The following NCAN variants were observed in gnomAD, a reference collection of about 807,000 sequenced individuals.
NCAN encodes the protein neurocan, also known as neurocan core protein.
NCAN carries 47 observed loss-of-function variants against 121.8 expected under a neutral mutation model. That is an observed-to-expected ratio of 0.39 (90% CI 0.31 to 0.49). The LOEUF (loss-of-function observed/expected upper bound fraction) is 0.49. Among genes scored for constraint, NCAN ranks in the 20% least tolerant of loss-of-function variants. NCAN has a pLI of 0.92. For synonymous variants in NCAN, 633 were observed against 702.0 expected, an observed-to-expected ratio of 0.90 and a Z score of 1.55; for missense variants, 1,517 against 1,773.4, an observed-to-expected ratio of 0.86 and a Z score of 2.60.
At chr19:19,234,931 C>G (rs1463766587) in intron 9 of NCAN, 52 bp from the exon 10 acceptor site, 1 of 1,252,996 alleles carries the variant, frequency 8.0e-7, no homozygotes, top group African/African-American at 1.5e-5. Flanking sequence ...TGTGGGGGCT[C>G]AGAGCCAAGG....
At position 19,227,697 on chromosome 19, in the gene NCAN, G is replaced by A. The variant is rs145993816; in HGVS notation, c.2077G>A (p.Ala693Thr). Reference sequence around the variant, plus strand: ...GACCCCAACAGGACAGGGTGGAGAGGCCATGCCCACAACACCTGAGTCCCC... The same window carrying A: ...GACCCCAACAGGACAGGGTGGAGAGACCATGCCCACAACACCTGAGTCCCC... Reference protein sequence around the residue: ...SLTPTGQGGEAMPTTPESPRA... With the variant: ...SLTPTGQGGETMPTTPESPRA... Residue 693 changes from alanine (A) to threonine (T), a missense_variant, in exon 8 of 15, where the codon GCC becomes ACC. Ala to Thr is a moderately conservative substitution (Grantham distance 58). Transcript: ENST00000252575. The surrounding 1 kb of genome is among the most constrained non-coding windows in gnomAD (Gnocchi z 4.2). 219 of 1,613,856 alleles carry A rather than the reference G, an allele frequency of 1.4e-4. No homozygotes were observed. The highest frequency in any genetic ancestry group is 1.3e-4 in the Non-Finnish European group (148 of 1,180,044).
Position 19,218,910 on chromosome 19 carries a change from C to T in NCAN, c.74-5C>T, listed in dbSNP as rs1253054069. 6.7e-7 allele frequency: 1 copy of T among 1,484,788 alleles called. No individual in the cohort carries two copies. Among genetic ancestry groups the T allele is most frequent in the East Asian group, 2.4e-5 (1 of 41,634 alleles). 92.0% of individuals were successfully genotyped at this position (1,484,788 alleles called of 1,614,324 possible). On this transcript the variant is annotated splice_polypyrimidine_tract_variant and splice_region_variant and intron_variant, in intron 2 of 14. Transcript: ENST00000252575. ...CAGGCCCTCTCTCCACCTTCTCCAA[C>T]CCAGGCACACAGGATATCACCGATG...
rs911913973 is a variant in NCAN at position 19,212,666 on chromosome 19, G to A, written c.-8+602G>A. Among the ~76,000 whole-genome samples the A allele has an allele frequency of 2.6e-5, 4 of 152,224 alleles. No homozygotes were observed. Among genetic ancestry groups the A allele is most frequent in the South Asian group, 4.1e-4 (2 of 4,834 alleles). On this transcript the variant is annotated intron_variant, in intron 1 of 14. Coordinates refer to ENST00000252575, the MANE Select transcript of NCAN (RefSeq NM_004386.3). This position sits in a 1 kb window ranked among gnomAD's most constrained non-coding sequence, Gnocchi z 4.5. The stretch of plus-strand genomic sequence containing the variant: ...GTCCGGTCACCACGTTCTGACTCAG[G>A]GAGGAGGTCCTGGGGGTCCCCATCC...
At chr19:19,239,817 C>T (rs1256803638) in intron 11 of NCAN, among the ~76,000 whole-genome samples, 3 of 139,698 alleles carry the variant, frequency 2.1e-5, no homozygotes, top group African/African-American at 8.2e-5. Context: ...CTTTTCTCCT[C>T]CCCATTCATC....
chr19:19,228,687 T>G, intron 8 of NCAN, 48 bp downstream of exon 8: 1 of 1,544,546 alleles, frequency 6.5e-7, no homozygotes, highest in Non-Finnish European at 8.8e-7. Context: ...TGGTCAGGGC[T>G]TGGGGAGCAG....
At chr19:19,248,625 AAACAAC>A (rs1051775973) in intron 13 of NCAN, 69 bp from the exon 14 acceptor site, 13 of 1,459,382 alleles carry the variant, frequency 8.9e-6, no homozygotes, top group Admixed American at 5.5e-5. Flanking sequence ...ACTCTGTCTC[AAACAAC>A]AACAACAACA....
At chr19:19,245,243 A>G in intron 12 of NCAN, 70 bp from the exon 13 acceptor site, 2 of 1,576,080 alleles carry the variant, frequency 1.3e-6, no homozygotes, top group East Asian at 4.5e-5. Context: ...GGAGTCCCAC[A>G]GCAGGAATTG....
intron 9 of NCAN, among the ~76,000 whole-genome samples, chr19:19,234,248 G>A (rs1477313744): frequency 6.6e-6 from 1 of 152,148 alleles, no homozygotes; most frequent in African/African-American, 2.4e-5. Context: ...ACTGCCACCA[G>A]AACTGTTGGG....
At position 19,225,226 on chromosome 19, in the gene NCAN, G is replaced by C. The variant is rs926413695; in HGVS notation, c.1028G>C (p.Gly343Ala). ...GTCTACCGCTTCGCTAACCGGACCG[G>C]CTTCCCCTCACCCGCCGAGCGCTTC... is the stretch of plus-strand genomic sequence containing the variant. ...RTVYRFANRT[G>A]FPSPAERFDA... Residue 343 changes from glycine to alanine, a missense_variant, in exon 6 of 15, where the codon GGC (glycine) becomes GCC (alanine). Gly to Ala is a moderately conservative substitution (Grantham distance 60). Transcript: ENST00000252575. This position sits in a 1 kb window ranked among gnomAD's most constrained non-coding sequence, Gnocchi z 4.0. 1.3e-6 allele frequency: 2 copies of C among 1,572,566 alleles called. No homozygotes were observed. The highest frequency in any genetic ancestry group is 3.5e-5 in the Admixed American group (2 of 56,642).
In NCAN at chr19:19,248,775, C is replaced by A; in HGVS notation, c.3713C>A (p.Ala1238Asp). 2.5e-6 allele frequency: 4 copies of A among 1,614,154 alleles called. No homozygotes were observed. Among genetic ancestry groups the A allele is most frequent in the Non-Finnish European group, 3.4e-6 (4 of 1,179,976 alleles). ...CGCAAGGCCAAGTACAATGTCCATG[C>A]CACTGTAAGGTACCAGTGCAATGAA... Reference protein sequence around the residue: ...GARKAKYNVHATVRYQCNEGF... With the variant: ...GARKAKYNVHDTVRYQCNEGF... The change falls in exon 14 of 15, where the codon GCC (alanine) becomes GAC (aspartate). Residue 1238 changes from alanine to aspartate, a missense_variant. Ala to Asp is a moderately radical substitution (Grantham distance 126). Transcript: ENST00000252575.
chr19:19,238,542 C>A, intron 11 of NCAN, 131 bp downstream of exon 11: 1 of 1,095,958 alleles, frequency 9.1e-7, no homozygotes, highest in South Asian at 1.4e-5. Context: ...TGTTCATTAA[C>A]GCAAGCCCTG....
rs1301981436 is a variant in NCAN, at chr19:19,250,354, G to A, written c.*443G>A. 2.8e-6 allele frequency: 1 copy of A among 360,072 alleles called. No individual in the cohort carries two copies. Among genetic ancestry groups the A allele is most frequent in the South Asian group, 2.1e-5 (1 of 46,638 alleles). The allele number at this position is 360,072 out of a possible 1,614,324, so 22.3% of individuals were successfully genotyped here. A position where few individuals can be genotyped will look rare whatever the true frequency, so the allele number is the denominator to read the frequency against. The stretch of plus-strand genomic sequence containing the variant: ...AATCCAGGAAGAAGCCTGGACGTAG[G>A]GTCATTAGCTTTGGGAATAGAAGGC... On this transcript the variant is annotated 3_prime_UTR_variant, in exon 15 of 15. Coordinates refer to ENST00000252575, the MANE Select transcript of NCAN (RefSeq NM_004386.3).
intron 10 of NCAN, among the ~76,000 whole-genome samples, chr19:19,237,207 C>A (rs1351698486): frequency 6.6e-6 from 1 of 152,052 alleles, no homozygotes; most frequent in Non-Finnish European, 1.5e-5. Flanking sequence ...CCATCCTCAG[C>A]CTACTTTTCC....
At position 19,249,786 on chromosome 19, in the gene NCAN, C is replaced by T. The variant is rs375941465; in HGVS notation, c.3841C>T (p.Arg1281Trp). Reference protein sequence around the residue: ...CTKPRRSHRMRRHHHHHQHHH... With the variant: ...CTKPRRSHRMWRHHHHHQHHH... ...TGCAGCCAGACGTTCACATCGGATG[C>T]GGCGACACCACCACCACCACCAACA... The change falls in exon 15 of 15, where the codon CGG (arginine) becomes TGG (tryptophan). Residue 1281 changes from arginine (R) to tryptophan (W), a missense_variant. Transcript: ENST00000252575. 7.8e-5 allele frequency: 125 copies of T among 1,606,374 alleles called. No homozygotes were observed. The highest frequency in any genetic ancestry group is 1.0e-4 in the Non-Finnish European group (119 of 1,176,884).
At chr19:19,224,901 T>G (rs1024011158) in intron 5 of NCAN, 76 bp from the exon 6 acceptor site, 2 of 1,258,642 alleles carry the variant, frequency 1.6e-6, no homozygotes, top group East Asian at 3.0e-5. Context: ...TCGGAACTAT[T>G]TGGAGTTGGA....
intron 8 of NCAN, among the ~76,000 whole-genome samples, chr19:19,230,927 G>T (rs1338815847): frequency 6.8e-6 from 1 of 147,716 alleles, no homozygotes; most frequent in Non-Finnish European, 1.5e-5. Flanking sequence ...GTGTGTGTGT[G>T]TAGAGATGGG....
At chr19:19,236,687 C>T (rs1484684126) in intron 10 of NCAN, among the ~76,000 whole-genome samples, 1 of 150,614 alleles carries the variant, frequency 6.6e-6, no homozygotes, top group Admixed American at 6.6e-5. Context: ...GCCTCAGCCT[C>T]CCAAAGTGCT....
chr19:19,212,800 C>T lies in NCAN; in HGVS notation c.-8+736C>T, dbSNP rs1268071042. ...AATGTTGGGTGGGGGTCCCCTAGAC[C>T]CCCCAGCTATGGATCCCCAGGACCT... is the stretch of plus-strand genomic sequence containing the variant. On this transcript the variant is annotated intron_variant, in intron 1 of 14. Transcript: ENST00000252575. The surrounding 1 kb of genome is among the most constrained non-coding windows in gnomAD (Gnocchi z 4.5). 6.6e-6 allele frequency among the ~76,000 whole-genome samples: 1 copy of T among 152,154 alleles called. No homozygotes were observed. Among genetic ancestry groups the T allele is most frequent in the Non-Finnish European group, 1.5e-5 (1 of 68,000 alleles).
In NCAN at chr19:19,226,653, G is replaced by A. The variant is rs764422421; in HGVS notation, c.1240G>A (p.Glu414Lys). ...GGAGCCTCTGGTGTCCAGTGGGGAA[G>A]AAGAAACCCTGATTTTGGAGGAGAA... Reference protein sequence around the residue: ...FQEPLVSSGEEETLILEEKQE... With the variant: ...FQEPLVSSGEKETLILEEKQE... Residue 414 changes from glutamate (E) to lysine (K), a missense_variant, in exon 7 of 15, where the codon GAA becomes AAA. Coordinates refer to ENST00000252575, the MANE Select transcript of NCAN (RefSeq NM_004386.3). The A allele has an allele frequency of 6.2e-7, 1 of 1,613,768 alleles. No homozygotes were observed. The highest frequency in any genetic ancestry group is 1.1e-5 in the South Asian group (1 of 91,088).
Sources: gnomAD v4.1 joint callset for allele counts (sites outside exome capture counted in the v4.1 genomes callset) on GRCh38, gnomAD v4.1.1 for gene constraint, Gnocchi (gnomAD v3.1) non-coding constraint, MANE v1.5 for transcripts, NCBI Gene and HGNC (gene_info 2026-07-23, HGNC 2026-07-21) for gene names.